The following FAM107B variants were observed in gnomAD, a reference collection of about 807,000 sequenced individuals.
FAM107B encodes family with sequence similarity 107 member B.
FAM107B carries 21 observed loss-of-function variants against 31.5 expected under a neutral mutation model. That is an observed-to-expected ratio of 0.67 (90% CI 0.47 to 0.96). The LOEUF (loss-of-function observed/expected upper bound fraction) is 0.96, where lower values mean the gene tolerates loss of function less well. FAM107B is among the 40% of genes least tolerant of loss of function. The pLI is 0.00. For missense variants in FAM107B, 452 were observed against 377.1 expected (o/e 1.20, Z -1.64); for synonymous variants, 157 against 141.5 (o/e 1.11, Z -0.78).
At chr10:14,570,233 G>GGTGGGTGTGTGTGTGTGTGTGT (rs768204428) in intron 2 of FAM107B, among the ~76,000 whole-genome samples, 13 of 140,426 alleles carry the variant, frequency 9.3e-5, no homozygotes, top group South Asian at 2.2e-4. Flanking sequence ...AAATGTGGTG[G>GGTGGGTGTGTGTGTGTGTGTGT]GTGTGTGTGT....
intron 2 of FAM107B, among the ~76,000 whole-genome samples, chr10:14,591,143 C>T (rs558376209): frequency 1.2e-4 from 18 of 152,240 alleles, no homozygotes; most frequent in African/African-American, 4.1e-4. Flanking sequence ...TGTCTCCTTA[C>T]AAGTCAGAAA....
At chr10:14,645,589 G>C (rs527474529) in intron 2 of FAM107B, among the ~76,000 whole-genome samples, 1 of 152,306 alleles carries the variant, frequency 6.6e-6, no homozygotes, top group East Asian at 1.9e-4. Context: ...CTTGTAGGGG[G>C]ATGTGGCTGT....
At chr10:14,646,728 C>G (rs1853763948) in intron 2 of FAM107B, among the ~76,000 whole-genome samples, 2 of 151,048 alleles carry the variant, frequency 1.3e-5, no homozygotes, top group Admixed American at 6.6e-5. Context: ...ACTCTTAGTT[C>G]CTTGAGAGCT....
At chr10:14,754,153 GGTCTCAA>G (rs1832883997) in intron 1 of FAM107B, among the ~76,000 whole-genome samples, 1 of 152,026 alleles carries the variant, frequency 6.6e-6, no homozygotes, top group Non-Finnish European at 1.5e-5. Flanking sequence ...TGGCCAGACT[GGTCTCAA>G]ACTCCTGACC....
chr10:14,553,689 C>A (rs1037830278), intron 2 of FAM107B, among the ~76,000 whole-genome samples: 4 of 152,186 alleles, frequency 2.6e-5, no homozygotes, highest in South Asian at 4.1e-4. Context: ...GGAGCCCAAG[C>A]TTTAGAGTCT....
At chr10:14,750,498 G>C (rs1832806136) in intron 1 of FAM107B, among the ~76,000 whole-genome samples, 1 of 152,134 alleles carries the variant, frequency 6.6e-6, no homozygotes, top group South Asian at 2.1e-4. Context: ...TGTAATCCCA[G>C]CTACTCGGGA....
intron 1 of FAM107B, among the ~76,000 whole-genome samples, chr10:14,704,317 A>T (rs1009546828): frequency 2.7e-5 from 4 of 145,896 alleles, no homozygotes; most frequent in African/African-American, 1.0e-4. Flanking sequence ...GTATCAAATA[A>T]ATACAATAAA....
intron 1 of FAM107B, among the ~76,000 whole-genome samples, chr10:14,760,433 A>G (rs1205925026): frequency 6.6e-6 from 1 of 152,254 alleles, no homozygotes; most frequent in Non-Finnish European, 1.5e-5. Flanking sequence ...AATACTAATA[A>G]CATAAATAAT....
chr10:14,767,101 CAGAG>C (rs1293912707), intron 1 of FAM107B, among the ~76,000 whole-genome samples: 4 of 55,000 alleles, frequency 7.3e-5, no homozygotes, highest in Non-Finnish European at 7.0e-5. Context: ...GAGAGAGAGA[CAGAG>C]AGAGAGAGAG....
Position 14,521,116 on chromosome 10 carries a change from T to C in FAM107B, c.*74A>G. ...CTGGCTGAAATATTCTCCAGGGGCTTTTGCCCTGAGATTGAGAAGGCACCC... is the reference window on the plus strand; with the variant it reads ...CTGGCTGAAATATTCTCCAGGGGCTCTTGCCCTGAGATTGAGAAGGCACCC... On this transcript the variant is annotated 3_prime_UTR_variant, in exon 5 of 5. Coordinates refer to ENST00000181796, the MANE Select transcript of FAM107B (RefSeq NM_031453.4). The C allele has an allele frequency of 8.6e-7, 1 of 1,166,454 alleles. No individual in the cohort carries two copies. The highest frequency in any genetic ancestry group is 1.2e-6 in the Non-Finnish European group (1 of 802,274). 72.3% of individuals were successfully genotyped at this position (1,166,454 alleles called of 1,614,324 possible).
At chr10:14,765,820 G>T (rs1005539812) in intron 1 of FAM107B, among the ~76,000 whole-genome samples, 2 of 152,176 alleles carry the variant, frequency 1.3e-5, no homozygotes, top group Non-Finnish European at 2.9e-5. Flanking sequence ...ATAGGGAAAG[G>T]TAGGGAAGGT....
chr10:14,686,040 T>A (rs1350986430), intron 1 of FAM107B, among the ~76,000 whole-genome samples: 4 of 152,174 alleles, frequency 2.6e-5, no homozygotes. Flanking sequence ...ACCCCCCTGA[T>A]TCAATTATCT....
At chr10:14,730,050 C>T (rs1228986942) in intron 1 of FAM107B, among the ~76,000 whole-genome samples, 7 of 151,744 alleles carry the variant, frequency 4.6e-5, no homozygotes, top group Non-Finnish European at 8.8e-5. Context: ...GGGTTGGGGG[C>T]AAAGGGAGGG....
chr10:14,566,986 C>G (rs1850724801), intron 2 of FAM107B, among the ~76,000 whole-genome samples: 1 of 152,060 alleles, frequency 6.6e-6, no homozygotes, highest in Non-Finnish European at 1.5e-5. Flanking sequence ...CCCGTATCCA[C>G]TAAAAAATAC....
chr10:14,598,405 C>T (rs1852256904), intron 2 of FAM107B, among the ~76,000 whole-genome samples: 1 of 152,224 alleles, frequency 6.6e-6, no homozygotes, highest in Admixed American at 6.5e-5. Context: ...GCCACAAGCA[C>T]GAGCATGCAT....
chr10:14,597,624 T>C (rs1852230944), intron 2 of FAM107B, among the ~76,000 whole-genome samples: 1 of 152,198 alleles, frequency 6.6e-6, no homozygotes, highest in African/African-American at 2.4e-5. Flanking sequence ...TGTGTCCGCA[T>C]CTTGACATCA....
At chr10:14,644,338 T>A (rs539364424) in intron 2 of FAM107B, among the ~76,000 whole-genome samples, 1 of 152,236 alleles carries the variant, frequency 6.6e-6, no homozygotes, top group African/African-American at 2.4e-5. Flanking sequence ...AGGTCATTTA[T>A]CTATTTCTAT....
At chr10:14,734,807 C>T (rs1019923182) in intron 1 of FAM107B, among the ~76,000 whole-genome samples, 3 of 152,044 alleles carry the variant, frequency 2.0e-5, no homozygotes, top group South Asian at 2.1e-4. Flanking sequence ...TGCAGTGGCG[C>T]GATCTTGGCT....
At chr10:14,738,389 T>A (rs981095199) in intron 1 of FAM107B, among the ~76,000 whole-genome samples, 1 of 152,168 alleles carries the variant, frequency 6.6e-6, no homozygotes, top group Non-Finnish European at 1.5e-5. Context: ...AATCAGTTAT[T>A]GACTAGAAAG....
Sources: gnomAD v4.1 joint callset for allele counts (sites outside exome capture counted in the v4.1 genomes callset) on GRCh38, gnomAD v4.1.1 for gene constraint, MANE v1.5 for transcripts, NCBI Gene and HGNC (gene_info 2026-07-23, HGNC 2026-07-21) for gene names.